GLRA1: variants seen among roughly 807,000 people sequenced by gnomAD.
The protein encoded by GLRA1 is glycine receptor subunit alpha-1.
Under a neutral mutation model 48.3 loss-of-function variants are expected in GLRA1, and 37 were observed. That is an observed-to-expected ratio of 0.77 (90% CI 0.59 to 1.01). The LOEUF is 1.01. Among genes scored for constraint, GLRA1 ranks in the 50% least tolerant of loss-of-function variants. The pLI, the probability that GLRA1 is intolerant of heterozygous loss-of-function variation, is 0.00. For synonymous variants in GLRA1, 196 were observed against 210.7 expected (o/e 0.93, Z 0.60); for missense variants, 427 against 571.0 (o/e 0.75, Z 2.57).
At chr5:151,879,648 G>T (rs955547377) in intron 3 of GLRA1, among the ~76,000 whole-genome samples, 2 of 152,182 alleles carry the variant, frequency 1.3e-5, no homozygotes, top group African/African-American at 4.8e-5. Flanking sequence ...ACTGTGCCTG[G>T]CCAGCTAACT....
intron 1 of GLRA1, among the ~76,000 whole-genome samples, chr5:151,913,007 C>T (rs373827558): frequency 3.0e-4 from 46 of 152,226 alleles, no homozygotes; most frequent in African/African-American, 1.1e-3. Flanking sequence ...AGAGTCCGTG[C>T]CCAGCTGGGG....
intron 3 of GLRA1, 21 bp from the exon 4 acceptor site, chr5:151,860,029 G>A (rs1329251189): frequency 4.4e-6 from 7 of 1,583,838 alleles, no homozygotes; most frequent in Non-Finnish European, 6.1e-6. Context: ...GAAATAACAA[G>A]GTGAAGGCAA....
intron 3 of GLRA1, among the ~76,000 whole-genome samples, chr5:151,875,311 T>A (rs1345219813): frequency 6.6e-6 from 1 of 152,158 alleles, no homozygotes; most frequent in Admixed American, 6.5e-5. Context: ...TAGCTGGGCC[T>A]ACAGGTGCAT....
intron 3 of GLRA1, among the ~76,000 whole-genome samples, chr5:151,869,694 G>A (rs1446882020): frequency 1.3e-5 from 2 of 149,500 alleles, no homozygotes; most frequent in Middle Eastern, 3.2e-3. Context: ...CAGCTGGGGC[G>A]ACAGAGCGAG....
At chr5:151,866,944 A>G (rs1337973361) in intron 3 of GLRA1, among the ~76,000 whole-genome samples, 1 of 152,034 alleles carries the variant, frequency 6.6e-6, no homozygotes, top group Non-Finnish European at 1.5e-5. Context: ...CTGTACAAAA[A>G]AAGTAAAAAT....
At position 151,884,043 on chromosome 5, in the gene GLRA1, G is replaced by T. The variant is rs542640232; in HGVS notation, c.252+2678C>A. 3.3e-5 allele frequency among the ~76,000 whole-genome samples: 5 copies of T among 152,288 alleles called. No individual in the cohort carries two copies. In the East Asian group the frequency reaches 9.6e-4, roughly 29 times the overall value. Reference sequence around the variant, plus strand: ...CAAGATTACACAGCAAATCATCAATGATAATGTTGGGGCTGCAGTGTCAAG... The same window carrying T: ...CAAGATTACACAGCAAATCATCAATTATAATGTTGGGGCTGCAGTGTCAAG... On this transcript the variant is annotated intron_variant, in intron 3 of 8. Coordinates refer to ENST00000274576, the MANE Select transcript of GLRA1 (RefSeq NM_000171.4).
chr5:151,872,360 A>G (rs1482656724), intron 3 of GLRA1, among the ~76,000 whole-genome samples: 1 of 149,728 alleles, frequency 6.7e-6, no homozygotes, highest in African/African-American at 2.6e-5. Context: ...ACAATGAAGT[A>G]CCATTTTGAA....
At chr5:151,884,699 C>G (rs1449162298) in intron 3 of GLRA1, among the ~76,000 whole-genome samples, 1 of 152,054 alleles carries the variant, frequency 6.6e-6, no homozygotes, top group Non-Finnish European at 1.5e-5. Context: ...TGGTCATTAT[C>G]AGGAAACGAG....
intron 7 of GLRA1, among the ~76,000 whole-genome samples, chr5:151,841,513 AAT>A (rs1319272906): frequency 4.6e-5 from 7 of 152,150 alleles, no homozygotes; most frequent in Non-Finnish European, 4.4e-5. Flanking sequence ...ACAGTAGAAA[AAT>A]AATAGAGAAA....
chr5:151,873,804 G>T (rs1266542885), intron 3 of GLRA1, among the ~76,000 whole-genome samples: 4 of 152,126 alleles, frequency 2.6e-5, no homozygotes, highest in African/African-American at 9.7e-5. Flanking sequence ...GTCAGGCTGG[G>T]TCTATTTCTT....
At chr5:151,863,666 A>G (rs889804740) in intron 3 of GLRA1, among the ~76,000 whole-genome samples, 4 of 152,106 alleles carry the variant, frequency 2.6e-5, no homozygotes, top group African/African-American at 9.7e-5. Context: ...ATACATGAGG[A>G]CCTGCTATTC....
rs1763164631 is a variant in GLRA1, at chr5:151,822,575, G to T, written c.*98C>A. The T allele has an allele frequency of 2.4e-6, 2 of 837,536 alleles. No individual in the cohort carries two copies. The highest frequency in any genetic ancestry group is 2.1e-6 in the Non-Finnish European group (1 of 483,040). The allele number at this position is 837,536 out of a possible 1,614,324, so 51.9% of individuals were successfully genotyped here. A position where few individuals can be genotyped will look rare whatever the true frequency, so the allele number is the denominator to read the frequency against. Reference sequence around the variant, plus strand: ...ATTGCAGAGAGAGTTGTGTAAGTGTGCCCCCTCCCTCCGTTCCCCTTCTCT... The same window carrying T: ...ATTGCAGAGAGAGTTGTGTAAGTGTTCCCCCTCCCTCCGTTCCCCTTCTCT... On this transcript the variant is annotated 3_prime_UTR_variant, in exon 9 of 9. Coordinates refer to ENST00000274576, the MANE Select transcript of GLRA1 (RefSeq NM_000171.4).
Position 151,860,011 on chromosome 5 carries a change from A to G in GLRA1, c.253-3T>C. On this transcript the variant is annotated splice_polypyrimidine_tract_variant and splice_region_variant and intron_variant, in intron 3 of 8. Transcript: ENST00000274576. ...AGGAAGATGTTGACCCTATAGTCCT[A>G]CAGCCAGGAAATAACAAGGTGAAGG... is the stretch of plus-strand genomic sequence containing the variant. 1 of 1,610,126 alleles carries G rather than the reference A, an allele frequency of 6.2e-7. No homozygotes were observed. The highest frequency in any genetic ancestry group is 8.5e-7 in the Non-Finnish European group (1 of 1,176,532).
chr5:151,823,464 C>T (rs1266306420), intron 8 of GLRA1, among the ~76,000 whole-genome samples: 1 of 152,146 alleles, frequency 6.6e-6, no homozygotes, highest in Non-Finnish European at 1.5e-5. Context: ...CTTCCTTGCC[C>T]TCTTCCCCAT....
intron 1 of GLRA1, among the ~76,000 whole-genome samples, chr5:151,908,778 G>C (rs1053560478): frequency 6.6e-6 from 1 of 152,110 alleles, no homozygotes; most frequent in Non-Finnish European, 1.5e-5. Flanking sequence ...GAACTGAAAG[G>C]GAAGTGTGTT....
chr5:151,872,973 C>T (rs1234705750), intron 3 of GLRA1, among the ~76,000 whole-genome samples: 1 of 149,504 alleles, frequency 6.7e-6, no homozygotes, highest in African/African-American at 2.6e-5. Flanking sequence ...AGTATGGTGT[C>T]CACTAAATTT....
At chr5:151,884,448 C>CAAAACAAAACAAAACAAAACAAAAA (rs1753845600) in intron 3 of GLRA1, among the ~76,000 whole-genome samples, 1 of 151,812 alleles carries the variant, frequency 6.6e-6, no homozygotes, top group South Asian at 2.1e-4. Context: ...CAAAACAAAA[C>CAAAACAAAACAAAACAAAACAAAAA]AAAAAAACCC....
chr5:151,872,903 C>T (rs996486764), intron 3 of GLRA1, among the ~76,000 whole-genome samples: 2 of 149,512 alleles, frequency 1.3e-5, no homozygotes, highest in Non-Finnish European at 2.9e-5. Context: ...TTGCACAATC[C>T]TACTTATATA....
At position 151,834,855 on chromosome 5, in the gene GLRA1, G is replaced by A. The variant is rs540224004; in HGVS notation, c.913-5788C>T. The stretch of plus-strand genomic sequence containing the variant: ...ATCCTGGCTAACACGATGAAACCCC[G>A]TCTCTACTAAAAAATACAAAAAATT... On this transcript the variant is annotated intron_variant, in intron 7 of 8. Coordinates refer to ENST00000274576, the MANE Select transcript of GLRA1 (RefSeq NM_000171.4). Among the ~76,000 whole-genome samples the A allele has an allele frequency of 4.6e-5, 7 of 151,226 alleles. No homozygotes were observed. In the East Asian group the frequency reaches 7.8e-4, roughly 17 times the overall value.
Sources: gnomAD v4.1 joint callset for allele counts (sites outside exome capture counted in the v4.1 genomes callset) on GRCh38, gnomAD v4.1.1 for gene constraint, MANE v1.5 for transcripts, NCBI Gene and HGNC (gene_info 2026-07-23, HGNC 2026-07-21) for gene names.